Variants in LYRM4 observed in about 807,000 individuals in gnomAD.
The protein encoded by LYRM4 is LYR motif containing 4.
A neutral mutation model predicts 11.7 loss-of-function variants in LYRM4; 9 were observed. That is an observed-to-expected ratio of 0.77 (90% CI 0.46 to 1.34). LYRM4 has a LOEUF of 1.34. Among genes scored for constraint, LYRM4 ranks in the 40% most tolerant of loss-of-function variants. LYRM4 has a pLI of 0.00. For synonymous variants in LYRM4, 42 were observed against 40.4 expected, an observed-to-expected ratio of 1.04 and a Z score of -0.15; for missense variants, 133 against 112.5, an observed-to-expected ratio of 1.18 and a Z score of -0.82.
Position 5,110,447 on chromosome 6 carries a change from C to T in LYRM4, c.208-956G>A, listed in dbSNP as rs540180722. 3.9e-5 allele frequency among the ~76,000 whole-genome samples: 6 copies of T among 152,166 alleles called. No individual in the cohort carries two copies. In the East Asian group the frequency reaches 1.2e-3, roughly 29 times the overall value. ...AGAGCAGTGCTCTGTCACCAAGGAC[C>T]GCCGCGCCGTCCATCTGAGGTGTCC... On this transcript the variant is annotated intron_variant, in intron 2 of 2. Transcript: ENST00000330636.
chr6:5,111,667 C>A (rs941247198), intron 2 of LYRM4, among the ~76,000 whole-genome samples: 4 of 152,318 alleles, frequency 2.6e-5, no homozygotes, highest in African/African-American at 7.2e-5. Context: ...GCCGCGTGGT[C>A]TCTGAATGAC....
the LYRM4 span, chr6:5,066,989 G>A: frequency 1.1e-6 from 1 of 885,522 alleles, no homozygotes; most frequent in Non-Finnish European, 1.6e-6. Context: ...ACATGTCTTT[G>A]TCTCTCAGGC....
chr6:5,158,579 C>T (rs1758558150), intron 2 of LYRM4, among the ~76,000 whole-genome samples: 2 of 151,110 alleles, frequency 1.3e-5, no homozygotes, highest in South Asian at 2.1e-4. Context: ...TGGGCTTAAG[C>T]GATTCTCCCA....
downstream of LYRM4, chr6:5,103,624 T>C (rs1762567900): frequency 1.4e-5 from 2 of 140,834 alleles, no homozygotes; most frequent in South Asian, 4.5e-4. Context: ...CTTCAATATC[T>C]GAGATATTTT....
chr6:5,047,497 G>C, the LYRM4 span, among the ~76,000 whole-genome samples: 1 of 152,048 alleles, frequency 6.6e-6, no homozygotes, highest in African/African-American at 2.4e-5. Context: ...TGTCTTTCTG[G>C]TTTGTATAGG....
At chr6:5,128,826 G>A (rs1763812629) in intron 2 of LYRM4, among the ~76,000 whole-genome samples, 1 of 152,158 alleles carries the variant, frequency 6.6e-6, no homozygotes. Flanking sequence ...CATGTCACCT[G>A]CATGACTAGG....
chr6:5,260,599 C>CCCCCGG, intron 1 of LYRM4, 49 bp downstream of exon 1: 2 of 1,134,692 alleles, frequency 1.8e-6, no homozygotes, highest in Non-Finnish European at 2.5e-6. Flanking sequence ...CACCCCCGGT[C>CCCCCGG]CCCGGCCCCT....
intron 2 of LYRM4, among the ~76,000 whole-genome samples, chr6:5,201,669 C>T (rs888201808): frequency 1.3e-5 from 2 of 152,100 alleles, no homozygotes; most frequent in African/African-American, 4.8e-5. Context: ...GGCACCAAGA[C>T]GGGGCAGTCA....
At chr6:5,055,273 G>C in the LYRM4 span, among the ~76,000 whole-genome samples, 1 of 152,214 alleles carries the variant, frequency 6.6e-6, no homozygotes, top group African/African-American at 2.4e-5. This position sits in a 1 kb window ranked among gnomAD's most constrained non-coding sequence, Gnocchi z 4.5. Context: ...AAACCAAGCT[G>C]TAACCCAGCC....
intron 2 of LYRM4, among the ~76,000 whole-genome samples, chr6:5,118,591 CT>C (rs1431194557): frequency 1.1e-4 from 17 of 152,302 alleles, no homozygotes; most frequent in East Asian, 9.7e-4. Context: ...GCAATTGTCC[CT>C]GGTGAGATCC....
At chr6:5,150,175 G>A (rs969841738) in intron 2 of LYRM4, among the ~76,000 whole-genome samples, 3 of 152,204 alleles carry the variant, frequency 2.0e-5, no homozygotes. Flanking sequence ...GTAGAAGGCA[G>A]GTGATCAGTA....
chr6:5,239,508 G>C (rs947342436), intron 1 of LYRM4, among the ~76,000 whole-genome samples: 1 of 152,042 alleles, frequency 6.6e-6, no homozygotes, highest in Non-Finnish European at 1.5e-5. Context: ...GGTGTGGGAA[G>C]GTCAAGATGG....
chr6:5,237,269 T>C (rs1313492475), intron 1 of LYRM4, among the ~76,000 whole-genome samples: 2 of 152,108 alleles, frequency 1.3e-5, no homozygotes, highest in South Asian at 2.1e-4. Context: ...AGATCAGTGG[T>C]GGCATTAGAT....
At chr6:5,106,703 A>G (rs746690583), downstream of LYRM4, 1 of 152,270 alleles carries the variant, frequency 6.6e-6, no homozygotes, top group Non-Finnish European at 1.5e-5. Context: ...GCTGTCTCTG[A>G]AAGTCTAGGA....
the LYRM4 span, among the ~76,000 whole-genome samples, chr6:5,068,258 A>G: frequency 5.3e-5 from 8 of 152,218 alleles, no homozygotes; most frequent in African/African-American, 1.4e-4. The surrounding 1 kb of genome is among the most constrained non-coding windows in gnomAD (Gnocchi z 4.0). Flanking sequence ...GACATCAACC[A>G]TCGTCCGCTG....
chr6:5,155,837 C>T (rs1246194273), intron 2 of LYRM4, among the ~76,000 whole-genome samples: 9 of 152,228 alleles, frequency 5.9e-5, no homozygotes, highest in Admixed American at 5.9e-4. Flanking sequence ...TGGTATGTTA[C>T]ACCTCTCGGA....
At chr6:5,080,068 G>A in the LYRM4 span, among the ~76,000 whole-genome samples, 1 of 152,182 alleles carries the variant, frequency 6.6e-6, no homozygotes, top group African/African-American at 2.4e-5. Context: ...TGGAAATCAG[G>A]TCCTCGACAT....
At chr6:5,257,444 T>C (rs139400233) in intron 1 of LYRM4, among the ~76,000 whole-genome samples, 4 of 152,350 alleles carry the variant, frequency 2.6e-5, no homozygotes, top group Admixed American at 1.3e-4. Flanking sequence ...GTGTCCCACA[T>C]AGGCCTGTAA....
intron 2 of LYRM4, among the ~76,000 whole-genome samples, chr6:5,126,362 C>T (rs986941426): frequency 2.0e-5 from 3 of 152,292 alleles, no homozygotes; most frequent in Middle Eastern, 3.4e-3. Context: ...CTGGGGAGAT[C>T]GGCAGTGTAG....
Sources: allele counts gnomAD v4.1 joint callset (sites outside exome capture counted in the v4.1 genomes callset), GRCh38; gene constraint gnomAD v4.1.1; non-coding constraint Gnocchi (gnomAD v3.1); transcripts MANE v1.5; gene names NCBI Gene and HGNC (gene_info 2026-07-23, HGNC 2026-07-21).